Variants in MAPK8 observed in about 807,000 individuals in gnomAD.
MAPK8 encodes the protein JUN N-terminal kinase.
A neutral mutation model predicts 52.9 loss-of-function variants in MAPK8; 13 were observed. The observed-to-expected ratio is 0.25, with a 90% CI of 0.16 to 0.39. The LOEUF (loss-of-function observed/expected upper bound fraction) is 0.39. MAPK8 is among the 10% of genes least tolerant of loss of function. The pLI is 1.00. For missense variants in MAPK8, 300 were observed against 519.2 expected, an observed-to-expected ratio of 0.58 and a Z score of 4.10; for synonymous variants, 191 against 169.8, an observed-to-expected ratio of 1.12 and a Z score of -0.97.
rs777553103 is a variant in MAPK8 at position 48,434,033 on chromosome 10, C to T, written c.1139-851C>T. ...TGAGTTACCTTTAACTATCCTTCAT[C>T]CCCCAGCATAAGTCATTCCTGTCCC... On this transcript the variant is annotated intron_variant, in intron 11 of 11. Transcript: ENST00000374189. 3.9e-4 allele frequency among the ~76,000 whole-genome samples: 60 copies of T among 152,308 alleles called. 1 individual carries two copies. In the Middle Eastern group the frequency reaches 0.027, roughly 69 times the overall value.
intron 1 of MAPK8, among the ~76,000 whole-genome samples, chr10:48,382,433 A>G (rs1359833512): frequency 7.2e-5 from 11 of 152,220 alleles, no homozygotes; most frequent in Non-Finnish European, 1.5e-4. Flanking sequence ...AGATCTGTAC[A>G]CATATATACA....
chr10:48,347,467 A>G (rs1845900942), intron 1 of MAPK8, among the ~76,000 whole-genome samples: 1 of 152,168 alleles, frequency 6.6e-6, no homozygotes, highest in African/African-American at 2.4e-5. Flanking sequence ...TTACATAGGT[A>G]TACACGTGGC....
intron 1 of MAPK8, among the ~76,000 whole-genome samples, chr10:48,365,181 A>G (rs1253800681): frequency 6.6e-6 from 1 of 152,190 alleles, no homozygotes; most frequent in Admixed American, 6.5e-5. Context: ...TAAGCCGTGT[A>G]AAACAGGAAA....
chr10:48,435,059 T>TTTGGGGGCCCGGGGGGGGGGGGGGGGGGG lies in MAPK8; in HGVS notation c.*30_*31insTTGGGGGCCCGGGGGGGGGGGGGGGGGGG. 2.2e-6 allele frequency: 1 copy of TTTGGGGGCCCGGGGGGGGGGGGGGGGGGG among 448,006 alleles called. No homozygotes were observed. The allele number at this position is 448,006 out of a possible 1,614,324, so 27.8% of individuals were successfully genotyped here. A position where few individuals can be genotyped will look rare whatever the true frequency, so the allele number is the denominator to read the frequency against. On this transcript the variant is annotated 3_prime_UTR_variant, in exon 12 of 12. Transcript: ENST00000374189. ...TTGGGCCATCGGGGGGTGGGAGGGA[T>TTTGGGGGCCCGGGGGGGGGGGGGGGGGGG]GGGGAGTCGGTTAGTCATTGATAGA...
intron 1 of MAPK8, among the ~76,000 whole-genome samples, chr10:48,360,253 T>C (rs1329030490): frequency 6.6e-6 from 1 of 152,170 alleles, no homozygotes; most frequent in Non-Finnish European, 1.5e-5. Context: ...AAGGAAAGTA[T>C]ACAGAAAAGA....
chr10:48,309,596 C>T (rs1841771740), intron 1 of MAPK8, among the ~76,000 whole-genome samples: 4 of 152,210 alleles, frequency 2.6e-5, no homozygotes, highest in Admixed American at 2.6e-4. Context: ...ATCAAAGTGA[C>T]CTTGTGAGGA....
intron 1 of MAPK8, among the ~76,000 whole-genome samples, chr10:48,335,207 C>T (rs1241683690): frequency 1.3e-5 from 2 of 151,778 alleles, no homozygotes; most frequent in Non-Finnish European, 2.9e-5. Flanking sequence ...CCAGGTTTTC[C>T]TTTTTTTTAA....
At chr10:48,423,932 ATT>A (rs1564616893) in intron 6 of MAPK8, among the ~76,000 whole-genome samples, 154 bp from the exon 7 acceptor site, 1 of 152,178 alleles carries the variant, frequency 6.6e-6, no homozygotes, top group Non-Finnish European at 1.5e-5. Flanking sequence ...TCAAAAAATA[ATT>A]TGTGTTTTAA....
In MAPK8 at chr10:48,437,027, A is replaced by C. The variant is rs1218272569; in HGVS notation, c.*1998A>C. ...TGCTTTCAGAAGGTTCTCATATTTTATGTTTGATTGCTGATAAGCCATCTC... is the reference window on the plus strand; with the variant it reads ...TGCTTTCAGAAGGTTCTCATATTTTCTGTTTGATTGCTGATAAGCCATCTC... On this transcript the variant is annotated 3_prime_UTR_variant, in exon 12 of 12. Coordinates refer to ENST00000374189, the MANE Select transcript of MAPK8 (RefSeq NM_001323329.2). 2.0e-5 allele frequency: 3 copies of C among 152,174 alleles called. No individual in the cohort carries two copies. The highest frequency in any genetic ancestry group is 4.4e-5 in the Non-Finnish European group (3 of 68,010). The allele number at this position is 152,174 out of a possible 1,614,324, so 9.4% of individuals were successfully genotyped here.
intron 1 of MAPK8, among the ~76,000 whole-genome samples, chr10:48,385,613 G>T (rs1280684307): frequency 6.7e-6 from 1 of 149,714 alleles, no homozygotes; most frequent in Non-Finnish European, 1.5e-5. Context: ...TAAAAAATGA[G>T]TTTTTTTTTT....
At chr10:48,323,528 TTAA>T (rs1332848770) in intron 1 of MAPK8, among the ~76,000 whole-genome samples, 8 of 152,234 alleles carry the variant, frequency 5.3e-5, no homozygotes, top group African/African-American at 9.6e-5. Flanking sequence ...GAACCCATTA[TTAA>T]TATGAGAGAT....
chr10:48,402,265 A>G (rs2042198864), intron 2 of MAPK8, among the ~76,000 whole-genome samples: 1 of 152,224 alleles, frequency 6.6e-6, no homozygotes, highest in East Asian at 1.9e-4. Context: ...GAAGACAAAT[A>G]TCTCTATCAG....
chr10:48,354,189 G>A (rs993272471), intron 1 of MAPK8, among the ~76,000 whole-genome samples: 4 of 152,048 alleles, frequency 2.6e-5, no homozygotes, highest in African/African-American at 9.7e-5. Context: ...CCTAGCTAAA[G>A]CATCAAGTGA....
At position 48,430,976 on chromosome 10, in the gene MAPK8, G is replaced by C. The variant is rs2289807; in HGVS notation, c.1061-217G>C. On this transcript the variant is annotated intron_variant, in intron 10 of 11. Transcript: ENST00000374189. ...TTCAGAAACAGTGAATTACAGGAAA[G>C]ATTAGTACTTCCTTTTAATATGATC... 6.1e-5 allele frequency: 35 copies of C among 571,482 alleles called. No homozygotes were observed. The East Asian group carries it at 1.0e-3, about 16-fold the overall frequency. The allele number at this position is 571,482 out of a possible 1,614,324, so 35.4% of individuals were successfully genotyped here. A position where few individuals can be genotyped will look rare whatever the true frequency, so the allele number is the denominator to read the frequency against.
chr10:48,425,712 G>A (rs1024664410), intron 7 of MAPK8, 176 bp from the exon 8 acceptor site: 1 of 451,732 alleles, frequency 2.2e-6, no homozygotes, highest in Non-Finnish European at 3.9e-6. Context: ...CTTATTTATT[G>A]ATCATTTCTG....
intron 1 of MAPK8, among the ~76,000 whole-genome samples, chr10:48,361,888 G>A (rs535034640): frequency 1.3e-5 from 2 of 152,240 alleles, no homozygotes; most frequent in South Asian, 4.1e-4. Flanking sequence ...ACCCTTCCTG[G>A]CATGCAGACT....
intron 5 of MAPK8, among the ~76,000 whole-genome samples, chr10:48,414,605 CTCTG>C (rs2042962893): frequency 8.7e-6 from 1 of 115,036 alleles, no homozygotes. Context: ...GAGACAGGGT[CTCTG>C]TCTGTCACCC....
At chr10:48,426,120 G>A in intron 8 of MAPK8, 50 bp downstream of exon 8, 1 of 1,457,254 alleles carries the variant, frequency 6.9e-7, no homozygotes, top group South Asian at 1.3e-5. Context: ...TGTGTAGTGT[G>A]TGTGTATGGG....
chr10:48,374,161 A>G (rs1176393016), intron 1 of MAPK8, among the ~76,000 whole-genome samples: 1 of 152,306 alleles, frequency 6.6e-6, no homozygotes, highest in Middle Eastern at 3.4e-3. Context: ...AAATAACGAA[A>G]TGAAAGCAGA....
Sources: allele counts gnomAD v4.1 joint callset (sites outside exome capture counted in the v4.1 genomes callset), GRCh38; gene constraint gnomAD v4.1.1; transcripts MANE v1.5; gene names NCBI Gene and HGNC (gene_info 2026-07-23, HGNC 2026-07-21).